The following CSMD3 variants were observed in gnomAD, a reference collection of about 807,000 sequenced individuals.
CSMD3 encodes CUB and sushi domain-containing protein 3.
CSMD3 carries 177 observed loss-of-function variants against 435.2 expected under a neutral mutation model. The observed-to-expected ratio is 0.41, with a 90% confidence interval of 0.36 to 0.46. The LOEUF is 0.46. CSMD3 is among the 20% of genes least tolerant of loss of function. The pLI, the probability that CSMD3 is intolerant of heterozygous loss-of-function variation, is 0.34. For missense variants in CSMD3, 4,265 were observed against 4,504.6 expected (o/e 0.95, Z 1.52); for synonymous variants, 1,656 against 1,520.5 (o/e 1.09, Z -2.07).
intron 13 of CSMD3, among the ~76,000 whole-genome samples, chr8:112,774,975 T>G (rs1158821470): frequency 1.3e-5 from 2 of 151,880 alleles, no homozygotes; most frequent in African/African-American, 4.8e-5. Context: ...GCTTCAGAAA[T>G]AATAAGTACT....
intron 9 of CSMD3, among the ~76,000 whole-genome samples, chr8:112,939,797 T>A (rs1053193356): frequency 1.3e-5 from 2 of 151,716 alleles, no homozygotes; most frequent in Non-Finnish European, 2.9e-5. Flanking sequence ...TTTTAGGAAG[T>A]GAGAAGGTAA....
At chr8:112,638,999 T>C (rs935094966) in intron 20 of CSMD3, 88 bp from the exon 21 acceptor site, 8 of 845,648 alleles carry the variant, frequency 9.5e-6, no homozygotes, top group Non-Finnish European at 1.5e-5. Flanking sequence ...GCCAGGACTT[T>C]ACTTATAATT....
At chr8:112,574,298 T>C (rs946019066) in intron 23 of CSMD3, among the ~76,000 whole-genome samples, 2 of 152,024 alleles carry the variant, frequency 1.3e-5, no homozygotes, top group East Asian at 1.9e-4. Context: ...ATTATAGACA[T>C]CTCTTCAGGT....
chr8:112,666,515 C>T, intron 16 of CSMD3, 100 bp from the exon 17 acceptor site: 1 of 992,666 alleles, frequency 1.0e-6, no homozygotes. Flanking sequence ...TCTGCATATC[C>T]TTATTAAATA....
intron 14 of CSMD3, among the ~76,000 whole-genome samples, chr8:112,689,444 T>C (rs958142509): frequency 1.2e-4 from 18 of 152,134 alleles, no homozygotes; most frequent in Admixed American, 4.6e-4. Context: ...TGTTAACATC[T>C]ACAAGCAAAA....
At chr8:112,529,023 A>C (rs1259983755) in intron 27 of CSMD3, among the ~76,000 whole-genome samples, 1 of 152,072 alleles carries the variant, frequency 6.6e-6, no homozygotes, top group African/African-American at 2.4e-5. Context: ...CAGATGTCCC[A>C]AGTCTTCTTT....
At chr8:112,406,227 C>T (rs149023262) in intron 35 of CSMD3, among the ~76,000 whole-genome samples, 254 of 152,000 alleles carry the variant, frequency 1.7e-3, no homozygotes, top group African/African-American at 5.7e-3. Flanking sequence ...ACATTAGTAG[C>T]AGCAGATTCT....
intron 11 of CSMD3, among the ~76,000 whole-genome samples, chr8:112,838,322 A>C (rs2080086403): frequency 6.6e-6 from 1 of 151,886 alleles, no homozygotes; most frequent in South Asian, 2.1e-4. Context: ...GACCATGTTA[A>C]GGACTGTGAA....
intron 11 of CSMD3, among the ~76,000 whole-genome samples, chr8:112,835,334 C>T (rs894211728): frequency 2.1e-4 from 32 of 151,732 alleles, no homozygotes; most frequent in South Asian, 1.5e-3. Context: ...TGAAGCCATG[C>T]GGAATTCCCA....
chr8:112,951,114 A>G (rs1395321765), intron 8 of CSMD3, among the ~76,000 whole-genome samples: 1 of 151,912 alleles, frequency 6.6e-6, no homozygotes, highest in African/African-American at 2.4e-5. Context: ...TAAGAAAAAA[A>G]GTGCAATCTA....
intron 5 of CSMD3, among the ~76,000 whole-genome samples, chr8:113,072,914 T>G (rs2089186472): frequency 6.6e-6 from 1 of 151,800 alleles, no homozygotes; most frequent in African/African-American, 2.4e-5. Flanking sequence ...CTGGCATTCT[T>G]GCACACATTC....
chr8:113,312,065 A>T (rs1463790387), intron 2 of CSMD3: 1 of 152,090 alleles, frequency 6.6e-6, no homozygotes, highest in Non-Finnish European at 1.5e-5. Flanking sequence ...GCTAAGAAAA[A>T]ATAGATTTTT....
chr8:112,731,186 T>G (rs1184091498), intron 13 of CSMD3, among the ~76,000 whole-genome samples: 1 of 147,816 alleles, frequency 6.8e-6, no homozygotes, highest in African/African-American at 2.5e-5. Flanking sequence ...ATGTTGCTGA[T>G]AATTTCATTT....
intron 1 of CSMD3, among the ~76,000 whole-genome samples, chr8:113,327,474 T>C (rs1174645345): frequency 6.6e-6 from 1 of 152,098 alleles, no homozygotes; most frequent in African/African-American, 2.4e-5. Context: ...TTACTAATAA[T>C]GGCATGGAAT....
At chr8:113,179,914 C>G (rs974910675) in intron 3 of CSMD3, among the ~76,000 whole-genome samples, 1 of 151,368 alleles carries the variant, frequency 6.6e-6, no homozygotes, top group South Asian at 2.1e-4. Flanking sequence ...TGTATAGTTG[C>G]GAAAGGCAAA....
chr8:112,277,954 T>C (rs561660979), intron 59 of CSMD3, among the ~76,000 whole-genome samples: 17 of 152,304 alleles, frequency 1.1e-4, no homozygotes, highest in Admixed American at 3.3e-4. Flanking sequence ...CAATCTAAGA[T>C]GAGATTTGGG....
intron 35 of CSMD3, among the ~76,000 whole-genome samples, chr8:112,400,604 G>C (rs921362672): frequency 6.6e-6 from 1 of 152,062 alleles, no homozygotes; most frequent in Non-Finnish European, 1.5e-5. Flanking sequence ...TAGGAAGTGA[G>C]TTCTGGCTGA....
intron 5 of CSMD3, among the ~76,000 whole-genome samples, chr8:113,040,669 T>C (rs749747502): frequency 1.3e-5 from 2 of 152,138 alleles, no homozygotes; most frequent in African/African-American, 2.4e-5. Context: ...CATCAGATGT[T>C]GAAATCTGGG....
intron 22 of CSMD3, among the ~76,000 whole-genome samples, chr8:112,614,937 A>C (rs776413170): frequency 3.3e-5 from 5 of 152,096 alleles, no homozygotes; most frequent in Admixed American, 1.3e-4. Flanking sequence ...CTAGCATAAA[A>C]ATTGGAGTTG....
Sources: gnomAD v4.1 joint callset for allele counts (sites outside exome capture counted in the v4.1 genomes callset) on GRCh38, gnomAD v4.1.1 for gene constraint, MANE v1.5 for transcripts, NCBI Gene and HGNC (gene_info 2026-07-23, HGNC 2026-07-21) for gene names.